The following TRIM55 variants were observed in gnomAD, a reference collection of about 807,000 sequenced individuals.
TRIM55 encodes the protein tripartite motif-containing protein 55.
TRIM55 carries 50 observed loss-of-function variants against 60.9 expected under a neutral mutation model. The ratio of observed to expected loss-of-function variants is 0.82; its 90% confidence interval spans 0.65 to 1.04. The LOEUF (loss-of-function observed/expected upper bound fraction) is 1.04, where lower values mean the gene tolerates loss of function less well. TRIM55 is among the 50% of genes least tolerant of loss of function. TRIM55 has a pLI of 0.00. For synonymous variants in TRIM55, 237 were observed against 238.1 expected, an observed-to-expected ratio of 1.00 and a Z score of 0.04; for missense variants, 681 against 666.9, an observed-to-expected ratio of 1.02 and a Z score of -0.23.
the TRIM55 span, chr8:66,114,448 G>A: frequency 2.3e-6 from 1 of 442,516 alleles, no homozygotes; most frequent in Non-Finnish European, 4.6e-6. Flanking sequence ...CATTTAATTG[G>A]GGGGAAATTC....
chr8:66,147,455 A>G (rs1274796561), intron 4 of TRIM55, among the ~76,000 whole-genome samples: 3 of 152,154 alleles, frequency 2.0e-5, no homozygotes, highest in Admixed American at 6.6e-5. Context: ...CCCTGACTCC[A>G]TACTGAGAAT....
At chr8:66,170,660 G>C (rs952474253) in intron 9 of TRIM55, among the ~76,000 whole-genome samples, 10 of 152,124 alleles carry the variant, frequency 6.6e-5, no homozygotes, top group African/African-American at 2.4e-4. Flanking sequence ...TAGGAGTGAG[G>C]ATGTGGTAAA....
At chr8:66,171,667 A>T (rs1173248707) in intron 9 of TRIM55, among the ~76,000 whole-genome samples, 1 of 152,256 alleles carries the variant, frequency 6.6e-6, no homozygotes, top group East Asian at 1.9e-4. Flanking sequence ...ACTTTCTGTG[A>T]TAAAGGAGAG....
rs972506966 is a variant in TRIM55 at position 66,174,361 on chromosome 8, A to T, written c.1525-110A>T. 1.3e-5 allele frequency: 10 copies of T among 791,896 alleles called. No homozygotes were observed. The Admixed American group carries it at 2.9e-4, about 23-fold the overall frequency. The allele number at this position is 791,896 out of a possible 1,614,324, so 49.1% of individuals were successfully genotyped here. ...TGCCATATAATAATATTGTTATTAT[A>T]ATAATAATTGTTATTATTATTATAC... On this transcript the variant is annotated intron_variant, in intron 9 of 9. Transcript: ENST00000315962.
the TRIM55 span, among the ~76,000 whole-genome samples, chr8:66,114,177 G>A: frequency 2.6e-4 from 38 of 147,728 alleles, 1 homozygote; most frequent in Non-Finnish European, 3.9e-4. Context: ...ATAATAAGCC[G>A]TGCCCAGCCG....
rs1810351909 is a variant in TRIM55, at chr8:66,150,449, A to C, written c.968A>C (p.Glu323Ala). ...NLNREEKIIR[E>A]IDFYREDEDE... ...AATAGAGAAGAAAAGATAATACGTG[A>C]AATTGACTTTTACAGAGGTTTGTTA... Residue 323 changes from glutamate (E) to alanine (A), a missense_variant, in exon 7 of 10, where the codon GAA becomes GCA. Physicochemically the swap from Glu to Ala is moderately radical, Grantham distance 107. Coordinates refer to ENST00000315962, the MANE Select transcript of TRIM55 (RefSeq NM_184085.2). The C allele has an allele frequency of 6.2e-7, 1 of 1,614,046 alleles. No homozygotes were observed. Among genetic ancestry groups the C allele is most frequent in the Non-Finnish European group, 8.5e-7 (1 of 1,180,026 alleles).
intron 7 of TRIM55, among the ~76,000 whole-genome samples, chr8:66,151,479 A>G (rs766535228): frequency 3.9e-5 from 6 of 152,218 alleles, no homozygotes; most frequent in Non-Finnish European, 7.3e-5. Flanking sequence ...AAAATTTTAA[A>G]GGCAAATCTT....
chr8:66,143,502 A>G (rs939359943), intron 4 of TRIM55, among the ~76,000 whole-genome samples: 14 of 152,160 alleles, frequency 9.2e-5, no homozygotes, highest in African/African-American at 3.4e-4. Flanking sequence ...TACAAATACA[A>G]ACATACTAAC....
the TRIM55 span, among the ~76,000 whole-genome samples, chr8:66,114,214 G>C: frequency 6.6e-6 from 1 of 152,004 alleles, no homozygotes; most frequent in African/African-American, 2.4e-5. Flanking sequence ...ATGGTAGAGC[G>C]CTCGCTTAGC....
At chr8:66,116,686 G>A in the TRIM55 span, among the ~76,000 whole-genome samples, 1 of 69,708 alleles carries the variant, frequency 1.4e-5, no homozygotes, top group Non-Finnish European at 2.3e-5. Flanking sequence ...CTCTCATAAA[G>A]AGAACACCAG....
chr8:66,122,124 G>C (rs551225730), upstream of TRIM55, among the ~76,000 whole-genome samples: 2 of 152,278 alleles, frequency 1.3e-5, no homozygotes, highest in South Asian at 4.2e-4. Context: ...AGAGAGGAAG[G>C]TGGTTATTAT....
At chr8:66,116,016 A>G in the TRIM55 span, among the ~76,000 whole-genome samples, 1 of 152,210 alleles carries the variant, frequency 6.6e-6, no homozygotes, top group Admixed American at 6.5e-5. Flanking sequence ...ATAGCATCAT[A>G]CAGCGAAGGC....
At chr8:66,139,542 A>G (rs553131993) in intron 4 of TRIM55, among the ~76,000 whole-genome samples, 20 of 152,330 alleles carry the variant, frequency 1.3e-4, no homozygotes, top group Admixed American at 1.2e-3. Context: ...GTTTGAAGTT[A>G]AATCAGCAGA....
chr8:66,124,517 C>T (rs973304005), upstream of TRIM55, among the ~76,000 whole-genome samples: 1 of 152,172 alleles, frequency 6.6e-6, no homozygotes, highest in Non-Finnish European at 1.5e-5. Context: ...CCTAACTACA[C>T]GTCCATCCCT....
chr8:66,160,567 G>C (rs1810991043), intron 9 of TRIM55, among the ~76,000 whole-genome samples: 1 of 152,136 alleles, frequency 6.6e-6, no homozygotes, highest in South Asian at 2.1e-4. Flanking sequence ...TCAAATGGTA[G>C]ATCTACTTTT....
chr8:66,127,068 G>A (rs1288366529), upstream of TRIM55: 12 of 505,048 alleles, frequency 2.4e-5, no homozygotes, highest in East Asian at 3.3e-5. Flanking sequence ...ATATGGACAC[G>A]TCAGCCCACC....
chr8:66,157,143 T>C (rs1369652818), intron 9 of TRIM55, among the ~76,000 whole-genome samples: 1 of 152,182 alleles, frequency 6.6e-6, no homozygotes, highest in African/African-American at 2.4e-5. Flanking sequence ...AGTGTCATGC[T>C]TCAAGGCTGT....
At chr8:66,113,596 G>C in the TRIM55 span, 10 of 456,254 alleles carry the variant, frequency 2.2e-5, no homozygotes, top group East Asian at 6.3e-4. Context: ...CAGCCTGCAC[G>C]GTAATTCTTT....
the TRIM55 span, among the ~76,000 whole-genome samples, chr8:66,117,420 T>G: frequency 6.6e-6 from 1 of 152,242 alleles, no homozygotes; most frequent in Non-Finnish European, 1.5e-5. Flanking sequence ...TTAAGTAAAA[T>G]ACAATAATAT....
Sources: gnomAD v4.1 joint callset for allele counts (sites outside exome capture counted in the v4.1 genomes callset) on GRCh38, gnomAD v4.1.1 for gene constraint, MANE v1.5 for transcripts, NCBI Gene and HGNC (gene_info 2026-07-23, HGNC 2026-07-21) for gene names.